LCLAT1: variants seen among roughly 807,000 people sequenced by gnomAD.
LCLAT1 encodes the protein lysocardiolipin acyltransferase 1.
A neutral mutation model predicts 30.7 loss-of-function variants in LCLAT1; 11 were observed. The ratio of observed to expected loss-of-function variants is 0.36; its 90% CI spans 0.23 to 0.59. The LOEUF (loss-of-function observed/expected upper bound fraction) is 0.59, where lower values mean the gene tolerates loss of function less well. Among genes scored for constraint, LCLAT1 ranks in the 20% least tolerant of loss-of-function variants. The pLI, the probability that LCLAT1 is intolerant of heterozygous loss-of-function variation, is 0.77. For synonymous variants in LCLAT1, 155 were observed against 151.3 expected, an observed-to-expected ratio of 1.02 and a Z score of -0.18; for missense variants, 402 against 458.6, an observed-to-expected ratio of 0.88 and a Z score of 1.13.
chr2:30,512,237 T>C (rs1400140479), intron 1 of LCLAT1, among the ~76,000 whole-genome samples: 1 of 152,198 alleles, frequency 6.6e-6, no homozygotes, highest in Non-Finnish European at 1.5e-5. Context: ...TCAAAATTAA[T>C]AAATTTATGT....
At chr2:30,506,596 G>A (rs113497133) in intron 1 of LCLAT1, among the ~76,000 whole-genome samples, 7 of 152,076 alleles carry the variant, frequency 4.6e-5, no homozygotes, top group African/African-American at 9.7e-5. Flanking sequence ...TTTCTTCCTG[G>A]AATTGAATGT....
intron 5 of LCLAT1, among the ~76,000 whole-genome samples, chr2:30,631,959 T>C (rs1291724244): frequency 3.3e-5 from 5 of 152,196 alleles, no homozygotes; most frequent in Non-Finnish European, 7.3e-5. Context: ...TTTTGGAACA[T>C]GTTGACATAT....
intron 5 of LCLAT1, among the ~76,000 whole-genome samples, chr2:30,604,011 G>C (rs1266199990): frequency 6.6e-6 from 1 of 152,112 alleles, no homozygotes; most frequent in African/African-American, 2.4e-5. Context: ...ATATTTACCT[G>C]GCTGTATAAT....
chr2:30,529,166 A>C (rs1685873905), intron 2 of LCLAT1, among the ~76,000 whole-genome samples: 1 of 152,262 alleles, frequency 6.6e-6, no homozygotes, highest in South Asian at 2.1e-4. Flanking sequence ...AAATGCACTT[A>C]AACTAATTAT....
rs184072462 is a variant in LCLAT1 at position 30,497,770 on chromosome 2, A to G, written c.-4-27817A>G. On this transcript the variant is annotated intron_variant, in intron 1 of 5. Coordinates refer to ENST00000379509, the MANE Select transcript of LCLAT1 (RefSeq NM_001002257.3). ...ATTATTTTTTAATGCATTGTCAGCCATACTCTTCATCACCTCATTTCAGCG... is the reference window on the plus strand; with the variant it reads ...ATTATTTTTTAATGCATTGTCAGCCGTACTCTTCATCACCTCATTTCAGCG... Among the ~76,000 whole-genome samples the G allele has an allele frequency of 2.6e-4, 40 of 152,320 alleles. No homozygotes were observed. The East Asian group carries it at 5.8e-3, about 22-fold the overall frequency.
At chr2:30,598,273 G>A in intron 5 of LCLAT1, among the ~76,000 whole-genome samples, 1 of 151,928 alleles carries the variant, frequency 6.6e-6, no homozygotes, top group East Asian at 1.9e-4. Context: ...TCTGGTCCTG[G>A]GCTTTTTTTG....
At chr2:30,462,606 A>G (rs1487789547) in intron 1 of LCLAT1, among the ~76,000 whole-genome samples, 1 of 152,234 alleles carries the variant, frequency 6.6e-6, no homozygotes, top group Non-Finnish European at 1.5e-5. Flanking sequence ...CCTTGTCCCC[A>G]GACAAGTTGA....
intron 1 of LCLAT1, among the ~76,000 whole-genome samples, chr2:30,498,587 C>T (rs1229225740): frequency 6.6e-6 from 1 of 152,128 alleles, no homozygotes; most frequent in Non-Finnish European, 1.5e-5. Context: ...TTACCAAGGA[C>T]TCACCCCAAT....
At chr2:30,493,191 C>A (rs1683917908) in intron 1 of LCLAT1, among the ~76,000 whole-genome samples, 2 of 152,152 alleles carry the variant, frequency 1.3e-5, no homozygotes, top group South Asian at 4.1e-4. Flanking sequence ...TGGTTGTGAG[C>A]AGAGACTTAA....
At chr2:30,479,984 A>G (rs1683244770) in intron 1 of LCLAT1, among the ~76,000 whole-genome samples, 1 of 152,212 alleles carries the variant, frequency 6.6e-6, no homozygotes, top group Non-Finnish European at 1.5e-5. Flanking sequence ...CTGTATTTCA[A>G]TCAGGTTAAA....
At chr2:30,517,136 C>T (rs1032294995) in intron 1 of LCLAT1, among the ~76,000 whole-genome samples, 1 of 152,166 alleles carries the variant, frequency 6.6e-6, no homozygotes, top group African/African-American at 2.4e-5. Flanking sequence ...GAAAGTGTAG[C>T]CCCAAAATTC....
intron 5 of LCLAT1, among the ~76,000 whole-genome samples, chr2:30,613,331 C>A (rs1190128428): frequency 6.6e-6 from 1 of 152,072 alleles, no homozygotes; most frequent in Admixed American, 6.6e-5. Flanking sequence ...TAAGAAAAAT[C>A]TGTAGGTCGG....
chr2:30,532,939 A>C (rs1249000307), intron 2 of LCLAT1, among the ~76,000 whole-genome samples, 177 bp from the exon 3 acceptor site: 1 of 152,202 alleles, frequency 6.6e-6, no homozygotes, highest in African/African-American at 2.4e-5. Flanking sequence ...ATAGTGCTTG[A>C]TATTCTCATT....
At chr2:30,587,490 A>T (rs1422760651) in intron 5 of LCLAT1, among the ~76,000 whole-genome samples, 4 of 152,228 alleles carry the variant, frequency 2.6e-5, no homozygotes, top group African/African-American at 9.6e-5. Context: ...TGAATTTAAA[A>T]TCCTAAGATC....
At chr2:30,565,960 A>T (rs550790561) in intron 4 of LCLAT1, among the ~76,000 whole-genome samples, 1 of 152,262 alleles carries the variant, frequency 6.6e-6, no homozygotes, top group Non-Finnish European at 1.5e-5. Context: ...ACCGATCCTG[A>T]GGTGGGAACA....
chr2:30,470,770 T>C (rs1682740387), intron 1 of LCLAT1, among the ~76,000 whole-genome samples: 2 of 152,334 alleles, frequency 1.3e-5, no homozygotes, highest in Admixed American at 1.3e-4. Context: ...CCATTCATAT[T>C]TGGTGATTGG....
At chr2:30,467,406 A>G (rs1572483453) in intron 1 of LCLAT1, among the ~76,000 whole-genome samples, 1 of 152,326 alleles carries the variant, frequency 6.6e-6, no homozygotes, top group East Asian at 1.9e-4. Context: ...ACATGTGTGC[A>G]TGTGTCTTTA....
chr2:30,583,074 G>T (rs966878622), intron 5 of LCLAT1, among the ~76,000 whole-genome samples: 2 of 152,102 alleles, frequency 1.3e-5, no homozygotes, highest in African/African-American at 4.8e-5. Context: ...TTTATTTAAA[G>T]TGTTTTTATT....
At chr2:30,570,648 T>C (rs1665738868) in intron 5 of LCLAT1, among the ~76,000 whole-genome samples, 1 of 152,242 alleles carries the variant, frequency 6.6e-6, no homozygotes, top group African/African-American at 2.4e-5. Context: ...ATAGTATGAT[T>C]TTAGTTAACA....
Sources: gnomAD v4.1 joint callset for allele counts (sites outside exome capture counted in the v4.1 genomes callset) on GRCh38, gnomAD v4.1.1 for gene constraint, MANE v1.5 for transcripts, NCBI Gene and HGNC (gene_info 2026-07-23, HGNC 2026-07-21) for gene names.